Variants in POU6F2 observed in about 807,000 individuals in gnomAD.
POU6F2 encodes POU class 6 homeobox 2.
In POU6F2, 31 loss-of-function variants were observed where a neutral mutation model predicts 71.3. The observed-to-expected ratio is 0.43, with a 90% CI of 0.33 to 0.59. The LOEUF is 0.59. Among genes scored for constraint, POU6F2 ranks in the 20% least tolerant of loss-of-function variants. The pLI is 0.04. For missense variants in POU6F2, 783 were observed against 856.8 expected, an observed-to-expected ratio of 0.91 and a Z score of 1.07; for synonymous variants, 347 against 355.7, an observed-to-expected ratio of 0.98 and a Z score of 0.27.
intron 4 of POU6F2, among the ~76,000 whole-genome samples, chr7:39,331,282 T>C (rs1422093811): frequency 1.3e-5 from 2 of 152,180 alleles, no homozygotes; most frequent in Non-Finnish European, 2.9e-5. Flanking sequence ...TGTCTTTGTA[T>C]ATACATCTAA....
chr7:39,344,887 C>T (rs1266726648), intron 5 of POU6F2, among the ~76,000 whole-genome samples: 1 of 152,102 alleles, frequency 6.6e-6, no homozygotes, highest in Non-Finnish European at 1.5e-5. Flanking sequence ...AGAACTCAGA[C>T]ATCTCTCTAC....
intron 2 of POU6F2, among the ~76,000 whole-genome samples, chr7:39,182,719 C>T (rs139906870): frequency 3.7e-4 from 57 of 152,192 alleles, no homozygotes; most frequent in African/African-American, 1.3e-3. Flanking sequence ...CCCAGAATTG[C>T]ATCCTTAAGT....
chr7:39,241,654 T>TTAA (rs1196529702), intron 4 of POU6F2, among the ~76,000 whole-genome samples: 1 of 152,168 alleles, frequency 6.6e-6, no homozygotes, highest in Non-Finnish European at 1.5e-5. Flanking sequence ...GGGACAGTTA[T>TTAA]TAAGGATCAG....
At chr7:39,085,656 A>T (rs1791223452) in intron 1 of POU6F2, 2 of 519,726 alleles carry the variant, frequency 3.8e-6, no homozygotes, top group South Asian at 5.5e-5. Context: ...GGAGTAATGG[A>T]GAACTCATCG....
At chr7:39,129,801 C>A (rs564222580) in intron 2 of POU6F2, among the ~76,000 whole-genome samples, 17 of 152,184 alleles carry the variant, frequency 1.1e-4, no homozygotes, top group Admixed American at 8.5e-4. Flanking sequence ...CTGTGGCTCA[C>A]GCCTGGGATC....
At chr7:39,369,848 A>AT (rs534189300) in intron 5 of POU6F2, among the ~76,000 whole-genome samples, 26,349 of 135,372 alleles carry the variant, frequency 0.19, 2,511 homozygotes, top group Admixed American at 0.25. Flanking sequence ...CACTCGCAGC[A>AT]TTTTTTTTTT....
At chr7:39,250,179 C>T (rs1783890092) in intron 4 of POU6F2, among the ~76,000 whole-genome samples, 1 of 152,202 alleles carries the variant, frequency 6.6e-6, no homozygotes, top group Non-Finnish European at 1.5e-5. Context: ...AACCCACACA[C>T]ACCCACTCAC....
intron 2 of POU6F2, among the ~76,000 whole-genome samples, chr7:39,178,905 G>T (rs187251876): frequency 1.6e-4 from 25 of 152,274 alleles, no homozygotes; most frequent in Non-Finnish European, 2.9e-4. Context: ...TCAAGTGTTT[G>T]TTTGGGTACA....
intron 6 of POU6F2, among the ~76,000 whole-genome samples, chr7:39,417,091 C>A (rs1041640870): frequency 1.3e-5 from 2 of 152,160 alleles, no homozygotes; most frequent in Non-Finnish European, 2.9e-5. Flanking sequence ...TTTGATTTAG[C>A]GTCCTAGAAC....
intron 4 of POU6F2, among the ~76,000 whole-genome samples, chr7:39,338,432 C>T (rs751704487): frequency 4.6e-5 from 7 of 152,138 alleles, no homozygotes; most frequent in South Asian, 2.1e-4. Context: ...TGGCTCTACA[C>T]GCAAGGCAGG....
intron 5 of POU6F2, among the ~76,000 whole-genome samples, chr7:39,352,804 A>G (rs1253654842): frequency 6.6e-6 from 1 of 152,004 alleles, no homozygotes; most frequent in Non-Finnish European, 1.5e-5. Flanking sequence ...ACAAAGGTAT[A>G]TCACAAGGTG....
intron 7 of POU6F2, among the ~76,000 whole-genome samples, chr7:39,451,153 A>G (rs915183440): frequency 6.6e-6 from 1 of 152,152 alleles, no homozygotes; most frequent in African/African-American, 2.4e-5. Flanking sequence ...TAGTTTCCCA[A>G]TCTGAGTTGA....
Position 39,048,995 on chromosome 7 carries a change from G to C in POU6F2, c.106-36865G>C, listed in dbSNP as rs149173695. Among the ~76,000 whole-genome samples, 901 of 152,040 alleles carry C rather than the reference G, an allele frequency of 5.9e-3. 10 individuals are homozygous for C. Among genetic ancestry groups the C allele is most frequent in the African/African-American group, 0.02 (837 of 41,522 alleles). On this transcript the variant is annotated intron_variant, in intron 1 of 9. Coordinates refer to ENST00000518318, the MANE Select transcript of POU6F2 (RefSeq NM_001370959.1). ...TAATTTGTCAAATTTTGGGGAAAAA[G>C]TTGTTAATGTCCCTTTAGAATCCTT...
At chr7:39,158,545 C>T (rs892002106) in intron 2 of POU6F2, among the ~76,000 whole-genome samples, 4 of 152,212 alleles carry the variant, frequency 2.6e-5, no homozygotes, top group Middle Eastern at 3.4e-3. Context: ...GCATCACTCT[C>T]GGTCTGAGGC....
At chr7:39,111,494 T>G (rs1169239367) in intron 2 of POU6F2, among the ~76,000 whole-genome samples, 4 of 152,196 alleles carry the variant, frequency 2.6e-5, no homozygotes, top group Non-Finnish European at 5.9e-5. Flanking sequence ...TTTTGTTCTT[T>G]TTGCTGTTGT....
intron 6 of POU6F2, among the ~76,000 whole-genome samples, chr7:39,428,605 G>A (rs537352980): frequency 1.7e-3 from 265 of 152,256 alleles, no homozygotes; most frequent in African/African-American, 6.3e-3. Flanking sequence ...AGTGAATCAA[G>A]CAAATCCTAT....
chr7:39,032,484 C>T (rs1789966471), intron 1 of POU6F2, among the ~76,000 whole-genome samples: 1 of 152,210 alleles, frequency 6.6e-6, no homozygotes, highest in Non-Finnish European at 1.5e-5. Context: ...ATTGATCACA[C>T]CTGTTTGCTA....
At chr7:39,058,912 T>TA (rs1435098669) in intron 1 of POU6F2, among the ~76,000 whole-genome samples, 1 of 152,158 alleles carries the variant, frequency 6.6e-6, no homozygotes, top group Admixed American at 6.6e-5. Context: ...AATCTTCATT[T>TA]AAAAAATTAT....
chr7:39,030,253 T>C (rs1182750301), intron 1 of POU6F2, among the ~76,000 whole-genome samples: 1 of 151,784 alleles, frequency 6.6e-6, no homozygotes, highest in Admixed American at 6.6e-5. Flanking sequence ...GGAAAAGTTT[T>C]ATTTTCTAGG....
Sources: gnomAD v4.1 joint callset for allele counts (sites outside exome capture counted in the v4.1 genomes callset) on GRCh38, gnomAD v4.1.1 for gene constraint, MANE v1.5 for transcripts, NCBI Gene and HGNC (gene_info 2026-07-23, HGNC 2026-07-21) for gene names.